The following FAM184B variants were observed in gnomAD, a reference collection of about 807,000 sequenced individuals.
FAM184B encodes protein FAM184B.
Under a neutral mutation model 135.9 loss-of-function variants are expected in FAM184B, and 111 were observed. That is an observed-to-expected ratio of 0.82 (90% CI 0.70 to 0.96). The LOEUF is 0.96. FAM184B is among the 40% of genes least tolerant of loss of function. FAM184B has a pLI of 0.00. For synonymous variants in FAM184B, 552 were observed against 524.8 expected (o/e 1.05, Z -0.71); for missense variants, 1,375 against 1,323.9 (o/e 1.04, Z -0.60).
intron 12 of FAM184B, among the ~76,000 whole-genome samples, chr4:17,644,510 A>G (rs185104995): frequency 1.1e-3 from 169 of 152,364 alleles, no homozygotes; most frequent in African/African-American, 3.9e-3. Flanking sequence ...ATAGATGCAG[A>G]AAAGGCCTTT....
intron 7 of FAM184B, among the ~76,000 whole-genome samples, chr4:17,678,406 T>A (rs1402712369): frequency 6.6e-6 from 1 of 151,866 alleles, no homozygotes; most frequent in Non-Finnish European, 1.5e-5. Context: ...AATCAAGAAC[T>A]CAACCCCTTT....
At chr4:17,664,416 C>T in intron 8 of FAM184B, 146 bp downstream of exon 8, 1 of 621,262 alleles carries the variant, frequency 1.6e-6, no homozygotes, top group Admixed American at 3.0e-5. Context: ...GTGCTGAAGA[C>T]ATACAAGATA....
chr4:17,715,777 G>GT (rs1717389876), intron 1 of FAM184B, among the ~76,000 whole-genome samples: 1 of 150,918 alleles, frequency 6.6e-6, no homozygotes, highest in African/African-American at 2.5e-5. Flanking sequence ...TTACTTGTCA[G>GT]TTTAAAAAAA....
At chr4:17,756,580 C>T (rs1415437718) in intron 1 of FAM184B, among the ~76,000 whole-genome samples, 1 of 152,142 alleles carries the variant, frequency 6.6e-6, no homozygotes, top group African/African-American at 2.4e-5. Flanking sequence ...CACCAGCTAA[C>T]CAAATAGTTG....
At position 17,708,855 on chromosome 4, in the gene FAM184B, T is replaced by C. The variant is rs1017629647; in HGVS notation, c.894+37A>G. ...TTCACAATAAGCAGCCCTGCTGATT[T>C]ATCCCTTTGGGGTTGTAAGAAGAGA... On this transcript the variant is annotated intron_variant, in intron 2 of 17. Transcript: ENST00000265018. 21 of 1,466,906 alleles carry C rather than the reference T, an allele frequency of 1.4e-5. 1 individual carries two copies. In the Admixed American group the frequency reaches 3.4e-4, roughly 24 times the overall value. 90.9% of individuals were successfully genotyped at this position (1,466,906 alleles called of 1,614,324 possible). A position where few individuals can be genotyped will look rare whatever the true frequency, so the allele number is the denominator to read the frequency against.
At position 17,770,106 on chromosome 4, in the gene FAM184B, A is replaced by T. The variant is rs6840846; in HGVS notation, c.141+11053T>A. 5.0e-3 allele frequency among the ~76,000 whole-genome samples: 766 copies of T among 152,342 alleles called. 8 individuals carry two copies. Among genetic ancestry groups the T allele is most frequent in the African/African-American group, 0.017 (721 of 41,582 alleles). The stretch of plus-strand genomic sequence containing the variant: ...GAAATGAGACTGAGAGGCGGACAGG[A>T]GCTACCTCAAGTGACCACAATAAAA... On this transcript the variant is annotated intron_variant, in intron 1 of 17. Transcript: ENST00000265018.
intron 1 of FAM184B, among the ~76,000 whole-genome samples, chr4:17,767,554 G>T (rs1718727880): frequency 6.6e-6 from 1 of 152,210 alleles, no homozygotes; most frequent in Non-Finnish European, 1.5e-5. Flanking sequence ...TGTTTTACGT[G>T]TGTTTTAGAT....
chr4:17,646,293 A>G (rs186815937), intron 12 of FAM184B, among the ~76,000 whole-genome samples: 75,740 of 149,508 alleles, frequency 0.51, 22,256 homozygotes, highest in East Asian at 0.88. Flanking sequence ...TGTTTACTGC[A>G]ACACTATTCA....
chr4:17,745,828 CTGCTTT>C (rs1718146626), intron 1 of FAM184B, among the ~76,000 whole-genome samples: 1 of 152,164 alleles, frequency 6.6e-6, no homozygotes, highest in South Asian at 2.1e-4. Flanking sequence ...AAGGTCCTAC[CTGCTTT>C]TGTGATTTTA....
intron 14 of FAM184B, among the ~76,000 whole-genome samples, chr4:17,638,134 C>CTTTTTTTTTTTTTT (rs56926847): frequency 2.0e-4 from 15 of 73,406 alleles, no homozygotes; most frequent in African/African-American, 5.1e-4. Flanking sequence ...TAACTGTTTG[C>CTTTTTTTTTTTTTT]TTTTTTTTTT....
chr4:17,659,910 G>A, intron 9 of FAM184B, 48 bp downstream of exon 9: 1 of 1,541,794 alleles, frequency 6.5e-7, no homozygotes, highest in Non-Finnish European at 8.8e-7. Context: ...TAAAAAGGAG[G>A]GGGCAGGATC....
chr4:17,644,422 T>C (rs995259210), intron 12 of FAM184B, among the ~76,000 whole-genome samples: 3 of 152,208 alleles, frequency 2.0e-5, no homozygotes, highest in Admixed American at 6.5e-5. Context: ...GATGCAAGGC[T>C]GGTTCAATAT....
intron 1 of FAM184B, among the ~76,000 whole-genome samples, chr4:17,715,528 A>T (rs1438111289): frequency 6.6e-6 from 1 of 152,116 alleles, no homozygotes; most frequent in Non-Finnish European, 1.5e-5. Context: ...GGGTCAAAAG[A>T]CACAAAATTT....
At chr4:17,728,000 A>G (rs1431970263) in intron 1 of FAM184B, among the ~76,000 whole-genome samples, 1 of 152,174 alleles carries the variant, frequency 6.6e-6, no homozygotes, top group Non-Finnish European at 1.5e-5. Flanking sequence ...CAATGAGTCC[A>G]GGCATGATGG....
intron 1 of FAM184B, among the ~76,000 whole-genome samples, chr4:17,751,952 G>T (rs1427164429): frequency 2.7e-5 from 4 of 149,820 alleles, no homozygotes; most frequent in Admixed American, 2.0e-4. Context: ...TAAGAAAAAA[G>T]GAGAACAGGA....
At position 17,709,132 on chromosome 4, in the gene FAM184B, G is replaced by A; in HGVS notation, c.654C>T (p.Ala218=). 1.9e-6 allele frequency: 3 copies of A among 1,548,366 alleles called. No individual in the cohort carries two copies. Among genetic ancestry groups the A allele is most frequent in the East Asian group, 2.4e-5 (1 of 40,874 alleles). The change falls in exon 2 of 18, where the codon GCC becomes GCT. Residue 218 remains alanine, a synonymous_variant. Coordinates refer to ENST00000265018, the MANE Select transcript of FAM184B (RefSeq NM_015688.2). ...TCTCGTAGGTGGCCTGCAGCTCCTCGGCCTTGCGGGCGTAGTCCTTGCTCA... is the reference window on the plus strand; with the variant it reads ...TCTCGTAGGTGGCCTGCAGCTCCTCAGCCTTGCGGGCGTAGTCCTTGCTCA... ...QQLSKDYARK[A]EELQATYERE... is the part of the protein sequence containing the mutation.
Position 17,652,821 on chromosome 4 carries a change from G to T in FAM184B, c.2191+9C>A. The T allele has an allele frequency of 1.3e-6, 2 of 1,549,984 alleles. No individual in the cohort carries two copies. Among genetic ancestry groups the T allele is most frequent in the Non-Finnish European group, 8.7e-7 (1 of 1,146,368 alleles). On this transcript the variant is annotated intron_variant, in intron 11 of 17. Transcript: ENST00000265018. ...CCAGGCCCTCCTCAGTACACTATTG[G>T]GTGTATACCTAGCAGCAGGGCCTGC...
intron 12 of FAM184B, 105 bp from the exon 13 acceptor site, chr4:17,642,333 G>A: frequency 7.3e-7 from 1 of 1,377,152 alleles, no homozygotes. Context: ...CTGGCACCCC[G>A]CCCAGGCTGG....
intron 1 of FAM184B, among the ~76,000 whole-genome samples, chr4:17,759,652 C>T (rs1478766186): frequency 6.6e-6 from 1 of 152,076 alleles, no homozygotes; most frequent in Non-Finnish European, 1.5e-5. Flanking sequence ...ACCACCACAT[C>T]CAGCTAACTT....
Sources: allele counts gnomAD v4.1 joint callset (sites outside exome capture counted in the v4.1 genomes callset), GRCh38; gene constraint gnomAD v4.1.1; transcripts MANE v1.5; gene names NCBI Gene and HGNC (gene_info 2026-07-23, HGNC 2026-07-21).